The following HS6ST2 variants were observed in gnomAD, a reference collection of about 807,000 sequenced individuals.
HS6ST2 encodes heparan-sulfate 6-O-sulfotransferase 2.
HS6ST2 carries 17 observed loss-of-function variants against 33.0 expected under a neutral mutation model. The ratio of observed to expected loss-of-function variants is 0.52; its 90% CI spans 0.35 to 0.77. HS6ST2 has a LOEUF of 0.77. Among genes scored for constraint, HS6ST2 ranks in the 30% least tolerant of loss-of-function variants. HS6ST2 has a pLI of 0.01. For missense variants in HS6ST2, 519 were observed against 551.7 expected (o/e 0.94, Z 0.59); for synonymous variants, 248 against 237.1 (o/e 1.05, Z -0.42).
chrX:132,636,731 C>T (rs979161684), intron 4 of HS6ST2, among the ~76,000 whole-genome samples: 1 of 111,613 alleles, frequency 9.0e-6, no homozygotes, highest in Non-Finnish European at 1.9e-5. Flanking sequence ...TTTTAGCAGA[C>T]CCTCTTTGTG....
intron 2 of HS6ST2, among the ~76,000 whole-genome samples, chrX:132,878,985 A>G (rs955615133): frequency 1.8e-5 from 2 of 111,031 alleles, no homozygotes; most frequent in African/African-American, 6.6e-5. Context: ...AATTAAATAA[A>G]TTTCACCCTA....
Position 132,922,441 on chromosome X carries a change from A to G in HS6ST2, c.947+34367T>C, listed in dbSNP as rs1019946873. ...CCTCTTCAAATGCAACTCATTACCA[A>G]CAAGCGAGCAAATGCCATTTAAGCC... On this transcript the variant is annotated intron_variant, in intron 2 of 4. Transcript: ENST00000370833. Among the ~76,000 whole-genome samples the G allele has an allele frequency of 5.3e-5, 6 of 112,185 alleles. No homozygotes were observed. In the Admixed American group the frequency reaches 5.7e-4, roughly 11 times the overall value.
At chrX:132,653,665 G>C (rs778262971) in intron 4 of HS6ST2, among the ~76,000 whole-genome samples, 121 of 111,708 alleles carry the variant, frequency 1.1e-3, no homozygotes, top group African/African-American at 3.7e-3. Flanking sequence ...TGACTCTCAG[G>C]GTTTTTTGCA....
chrX:132,679,761 G>A (rs1040107669), intron 3 of HS6ST2, among the ~76,000 whole-genome samples: 2 of 108,227 alleles, frequency 1.8e-5, no homozygotes, highest in African/African-American at 3.4e-5. Context: ...CTGGGGGGGG[G>A]CCAGTTCAGA....
chrX:132,778,426 G>A lies in HS6ST2; in HGVS notation c.948-69932C>T, dbSNP rs375117609. Among the ~76,000 whole-genome samples, 4 of 111,393 alleles carry A rather than the reference G, an allele frequency of 3.6e-5. No homozygotes were observed. In the East Asian group the frequency reaches 1.1e-3, roughly 31 times the overall value. ...TTTTGTTTTTTGTTTTTGAGATGGAGTCTCACTCTGTTGCACAGGCTGGAG... is the reference window on the plus strand; with the variant it reads ...TTTTGTTTTTTGTTTTTGAGATGGAATCTCACTCTGTTGCACAGGCTGGAG... On this transcript the variant is annotated intron_variant, in intron 2 of 4. Transcript: ENST00000370833.
intron 2 of HS6ST2, among the ~76,000 whole-genome samples, chrX:132,812,070 T>C (rs1019044690): frequency 3.3e-4 from 36 of 109,136 alleles, no homozygotes; most frequent in African/African-American, 9.7e-4. Context: ...GGTTGCAATT[T>C]CTCCGCATCC....
intron 2 of HS6ST2, among the ~76,000 whole-genome samples, chrX:132,827,924 A>G (rs1286033358): frequency 8.9e-6 from 1 of 111,912 alleles, no homozygotes; most frequent in Non-Finnish European, 1.9e-5. Context: ...ATTGGGAGCC[A>G]TGATTTTCAT....
intron 2 of HS6ST2, among the ~76,000 whole-genome samples, chrX:132,844,450 T>G (rs2065732854): frequency 9.0e-6 from 1 of 111,680 alleles, no homozygotes; most frequent in Non-Finnish European, 1.9e-5. Context: ...GATCTGGAAC[T>G]AAATTTAATA....
At chrX:132,641,206 C>T (rs902051536) in intron 4 of HS6ST2, among the ~76,000 whole-genome samples, 4 of 112,648 alleles carry the variant, frequency 3.6e-5, no homozygotes, top group Middle Eastern at 4.6e-3. Context: ...TGAAGTGGTG[C>T]GATCTCAGCT....
chrX:132,720,872 G>C (rs894788646), intron 2 of HS6ST2, among the ~76,000 whole-genome samples: 2 of 110,974 alleles, frequency 1.8e-5, no homozygotes, highest in Admixed American at 9.6e-5. Context: ...AATTCAGAAA[G>C]AGGATATAAT....
rs1006310542 is a variant in HS6ST2, at chrX:132,921,054, T to C, written c.947+35754A>G. Among the ~76,000 whole-genome samples the C allele has an allele frequency of 2.7e-5, 3 of 112,466 alleles. No individual in the cohort carries two copies. The Admixed American group carries it at 2.8e-4, about 11-fold the overall frequency. On this transcript the variant is annotated intron_variant, in intron 2 of 4. Coordinates refer to ENST00000370833, the MANE Select transcript of HS6ST2 (RefSeq NM_001394073.1). Reference sequence around the variant, plus strand: ...GAGAATAAAGAGCAGGTAGACTACATGAAAGCTATTGCAATAATCTCTGCA... The same window carrying C: ...GAGAATAAAGAGCAGGTAGACTACACGAAAGCTATTGCAATAATCTCTGCA...
At chrX:132,897,950 T>C (rs772871314) in intron 2 of HS6ST2, among the ~76,000 whole-genome samples, 50 of 111,715 alleles carry the variant, frequency 4.5e-4, no homozygotes, top group Non-Finnish European at 8.7e-4. Flanking sequence ...GAATGGGTAC[T>C]GGTCCATGGC....
rs542329577 is a variant in HS6ST2 at position 132,818,670 on chromosome X, G to C, written c.948-110176C>G. On this transcript the variant is annotated intron_variant, in intron 2 of 4. Coordinates refer to ENST00000370833, the MANE Select transcript of HS6ST2 (RefSeq NM_001394073.1). ...TGCTGTGGAAGAGCAAAAGGCAAGAGGTTGGTGTCCACTGACTTTCTCAAT... is the reference window on the plus strand; with the variant it reads ...TGCTGTGGAAGAGCAAAAGGCAAGACGTTGGTGTCCACTGACTTTCTCAAT... Among the ~76,000 whole-genome samples, 4 of 112,267 alleles carry C rather than the reference G, an allele frequency of 3.6e-5. No individual in the cohort carries two copies. In the Middle Eastern group the frequency reaches 0.019, roughly 520 times the overall value.
At chrX:132,704,296 G>A (rs1196384264) in intron 3 of HS6ST2, among the ~76,000 whole-genome samples, 3 of 112,118 alleles carry the variant, frequency 2.7e-5, no homozygotes, top group East Asian at 2.8e-4. Context: ...GGCTCACGCC[G>A]GTAATCCCAG....
chrX:132,848,169 C>T (rs2065770280), intron 2 of HS6ST2, among the ~76,000 whole-genome samples: 1 of 111,780 alleles, frequency 8.9e-6, no homozygotes, highest in Non-Finnish European at 1.9e-5. Context: ...AGCACATATG[C>T]TAAAGATGCC....
intron 2 of HS6ST2, among the ~76,000 whole-genome samples, chrX:132,905,582 C>A (rs369889315): frequency 4.5e-4 from 50 of 111,562 alleles, no homozygotes; most frequent in African/African-American, 1.5e-3. Flanking sequence ...CTGGTCTGGA[C>A]AACTACTACA....
chrX:132,650,164 G>A (rs1337970404), intron 4 of HS6ST2, among the ~76,000 whole-genome samples: 1 of 111,648 alleles, frequency 9.0e-6, no homozygotes, highest in South Asian at 3.8e-4. Flanking sequence ...GATGAACAGC[G>A]TCCCCTAAGA....
intron 2 of HS6ST2, among the ~76,000 whole-genome samples, chrX:132,718,190 G>A (rs1448687856): frequency 9.0e-6 from 1 of 111,670 alleles, no homozygotes; most frequent in Non-Finnish European, 1.9e-5. Flanking sequence ...GCCTAAATGA[G>A]AAAACTGAGG....
rs186624094 is a variant in HS6ST2 at position 132,888,489 on chromosome X, A to T, written c.947+68319T>A. 2.7e-5 allele frequency among the ~76,000 whole-genome samples: 3 copies of T among 111,969 alleles called. No individual in the cohort carries two copies. In the Admixed American group the frequency reaches 2.8e-4, roughly 11 times the overall value. ...GTGGGAATTATGAGAGTTACAATTC[A>T]AGATGAAATTTGGGTGGGGACACAG... is the stretch of plus-strand genomic sequence containing the variant. On this transcript the variant is annotated intron_variant, in intron 2 of 4. Coordinates refer to ENST00000370833, the MANE Select transcript of HS6ST2 (RefSeq NM_001394073.1).
Sources: allele counts gnomAD v4.1 joint callset (sites outside exome capture counted in the v4.1 genomes callset), GRCh38; gene constraint gnomAD v4.1.1; transcripts MANE v1.5; gene names NCBI Gene and HGNC (gene_info 2026-07-23, HGNC 2026-07-21).